The following SH3RF2 variants were observed in gnomAD, a reference collection of about 807,000 sequenced individuals.
SH3RF2 encodes E3 ubiquitin-protein ligase SH3RF2.
SH3RF2 carries 43 observed loss-of-function variants against 59.0 expected under a neutral mutation model. The observed-to-expected ratio is 0.73, with a 90% CI of 0.57 to 0.94. The LOEUF (loss-of-function observed/expected upper bound fraction) is 0.94. Ranked by LOEUF, SH3RF2 falls within the 40% of genes least tolerant of loss-of-function variation. The probability of loss-of-function intolerance (pLI) is 0.00; values close to 1 mark genes in which losing one functional copy is unlikely to be tolerated. For missense variants in SH3RF2, 930 were observed against 940.1 expected (o/e 0.99, Z 0.14); for synonymous variants, 391 against 391.5 (o/e 1.00, Z 0.01).
chr5:145,986,695 AC>A (rs1351352463), intron 2 of SH3RF2, among the ~76,000 whole-genome samples: 1 of 152,120 alleles, frequency 6.6e-6, no homozygotes, highest in East Asian at 1.9e-4. Context: ...TTTATTGAGA[AC>A]CAGCTTATGT....
At chr5:145,954,011 A>G (rs971400521) in intron 2 of SH3RF2, among the ~76,000 whole-genome samples, 1 of 152,230 alleles carries the variant, frequency 6.6e-6, no homozygotes, top group Non-Finnish European at 1.5e-5. Flanking sequence ...CAGTGCTGCA[A>G]TGAACATTCA....
Position 146,013,999 on chromosome 5 carries a change from A to T in SH3RF2, c.997A>T (p.Asn333Tyr). 6.2e-7 allele frequency: 1 copy of T among 1,614,118 alleles called. No homozygotes were observed. Among genetic ancestry groups the T allele is most frequent in the Non-Finnish European group, 8.5e-7 (1 of 1,180,002 alleles). Reference sequence around the variant, plus strand: ...CACCCCAGTGCTCATCAGCTCCAGCAACCCCTCTGTGATCACCCAGCCCAT... The same window carrying T: ...CACCCCAGTGCTCATCAGCTCCAGCTACCCCTCTGTGATCACCCAGCCCAT... ...ISTPVLISSS[N>Y]PSVITQPMEK... The change falls in exon 5 of 10, where the codon AAC becomes TAC. Residue 333 changes from asparagine (N) to tyrosine (Y), a missense_variant. Asn to Tyr is a moderately radical substitution (Grantham distance 143, BLOSUM62 -2). Transcript: ENST00000359120.
chr5:146,038,449 T>A (rs1346309135), intron 5 of SH3RF2, among the ~76,000 whole-genome samples: 1 of 152,108 alleles, frequency 6.6e-6, no homozygotes, highest in Non-Finnish European at 1.5e-5. Context: ...CTAGAAAAAA[T>A]GTAATGGGAA....
Position 146,059,924 on chromosome 5 carries a change from C to T in SH3RF2, c.1614C>T (p.Leu538=). 1 of 1,509,068 alleles carries T rather than the reference C, an allele frequency of 6.6e-7. No individual in the cohort carries two copies. Among genetic ancestry groups the T allele is most frequent in the Non-Finnish European group, 8.9e-7 (1 of 1,129,306 alleles). The allele number at this position is 1,509,068 out of a possible 1,614,324, so 93.5% of individuals were successfully genotyped here. Residue 538 remains leucine (L), a synonymous_variant, in exon 9 of 10, where the codon CTC becomes CTT. Coordinates refer to ENST00000359120, the MANE Select transcript of SH3RF2 (RefSeq NM_152550.4). Reference sequence around the variant, plus strand: ...TCCCCACTCTCGTGGTAGGCTCCCTCAGACGCAGCCCCACCATGGTCCTTC... The same window carrying T: ...TCCCCACTCTCGTGGTAGGCTCCCTTAGACGCAGCCCCACCATGGTCCTTC... ...SGIPTLVVGS[L]RRSPTMVLRP...
rs143720009 is a variant in SH3RF2, at chr5:145,977,422, C to T, written c.379-22636C>T. 4.6e-5 allele frequency among the ~76,000 whole-genome samples: 7 copies of T among 152,268 alleles called. No homozygotes were observed. In the East Asian group the frequency reaches 1.3e-3, roughly 29 times the overall value. On this transcript the variant is annotated intron_variant, in intron 2 of 9. Transcript: ENST00000359120. ...TTGAGTACTTACTGTATGCCAGGCA[C>T]AGTTCTAGGGGCTTTACATATATCT...
downstream of SH3RF2, among the ~76,000 whole-genome samples, chr5:146,067,472 C>T (rs181309421): frequency 1.4e-3 from 211 of 152,248 alleles, no homozygotes; most frequent in African/African-American, 4.9e-3. Flanking sequence ...AAGTCGCAGC[C>T]GAATACTTAG....
chr5:146,011,416 G>C (rs1273173346), intron 4 of SH3RF2, among the ~76,000 whole-genome samples: 2 of 152,202 alleles, frequency 1.3e-5, no homozygotes, highest in Non-Finnish European at 2.9e-5. Context: ...ATTCTGTGAA[G>C]AAAGTCATTG....
At chr5:146,036,674 G>A (rs1366041771) in intron 5 of SH3RF2, among the ~76,000 whole-genome samples, 1 of 152,188 alleles carries the variant, frequency 6.6e-6, no homozygotes, top group East Asian at 1.9e-4. Flanking sequence ...CAGTCTGGGT[G>A]ACAGAGCGAA....
At chr5:146,046,726 A>T (rs574540489) in intron 5 of SH3RF2, among the ~76,000 whole-genome samples, 1 of 152,068 alleles carries the variant, frequency 6.6e-6, no homozygotes, top group African/African-American at 2.4e-5. Context: ...GCAAGGCAAT[A>T]TGTTTGCCAA....
intron 2 of SH3RF2, among the ~76,000 whole-genome samples, chr5:145,989,809 C>T (rs997813347): frequency 6.6e-6 from 1 of 152,086 alleles, no homozygotes; most frequent in Non-Finnish European, 1.5e-5. Flanking sequence ...TCTGCTTTTT[C>T]CCTTGTATGT....
chr5:146,079,317 C>T (rs1763389962), exon 10 of SH3RF2: 1 of 152,132 alleles, frequency 6.6e-6, no homozygotes, highest in Non-Finnish European at 1.5e-5. Flanking sequence ...ATCTAAGATA[C>T]AATTCTAAAA....
chr5:145,989,382 A>G (rs1274611459), intron 2 of SH3RF2, among the ~76,000 whole-genome samples: 4 of 152,198 alleles, frequency 2.6e-5, no homozygotes, highest in African/African-American at 9.6e-5. Context: ...CATGCATTCT[A>G]TGTATCTGAG....
At chr5:146,002,923 G>A (rs1760485856) in intron 3 of SH3RF2, among the ~76,000 whole-genome samples, 1 of 152,144 alleles carries the variant, frequency 6.6e-6, no homozygotes. Flanking sequence ...CTGCATCTGA[G>A]GAAAAATTGT....
chr5:145,946,384 A>G (rs72818444), intron 2 of SH3RF2, among the ~76,000 whole-genome samples: 1 of 152,050 alleles, frequency 6.6e-6, no homozygotes, highest in Non-Finnish European at 1.5e-5. Context: ...CATATTAGGA[A>G]TTTTTTTTAA....
intron 2 of SH3RF2, among the ~76,000 whole-genome samples, chr5:145,952,900 C>G (rs1218244662): frequency 6.6e-6 from 1 of 152,154 alleles, no homozygotes; most frequent in African/African-American, 2.4e-5. Flanking sequence ...GACCTTAGAA[C>G]TGTGCTGGCC....
chr5:145,977,829 G>A (rs1046956187), intron 2 of SH3RF2, among the ~76,000 whole-genome samples: 12 of 152,180 alleles, frequency 7.9e-5, no homozygotes, highest in South Asian at 4.1e-4. Flanking sequence ...GTTCCCTAAC[G>A]TAGCTCCTGT....
rs200481534 is a variant in SH3RF2, at chr5:146,054,247, GC to G, written c.1323-1733del. Among the ~76,000 whole-genome samples, 109 of 152,310 alleles carry G rather than the reference GC, an allele frequency of 7.2e-4. 1 individual carries two copies. In the East Asian group the frequency reaches 0.021, roughly 29 times the overall value. On this transcript the variant is annotated intron_variant, in intron 7 of 9. Coordinates refer to ENST00000359120, the MANE Select transcript of SH3RF2 (RefSeq NM_152550.4). The stretch of plus-strand genomic sequence containing the variant: ...GGGATTTAGAAGTTCCTGGAATCCA[GC>G]TCAGTGCTGAGCTCAGAAAAATGAG...
chr5:145,988,974 C>T (rs1480563479), intron 2 of SH3RF2, among the ~76,000 whole-genome samples: 3 of 152,160 alleles, frequency 2.0e-5, no homozygotes, highest in East Asian at 3.8e-4. Context: ...ACAGTGGCTT[C>T]GTTGGTTAAG....
chr5:145,940,832 G>A (rs1421274258), intron 2 of SH3RF2, among the ~76,000 whole-genome samples: 1 of 151,776 alleles, frequency 6.6e-6, no homozygotes, highest in Non-Finnish European at 1.5e-5. Flanking sequence ...TAACTAATTA[G>A]TATCTCCAAA....
Sources: allele counts gnomAD v4.1 joint callset (sites outside exome capture counted in the v4.1 genomes callset), GRCh38; gene constraint gnomAD v4.1.1; transcripts MANE v1.5; gene names NCBI Gene and HGNC (gene_info 2026-07-23, HGNC 2026-07-21).